The following PDK1 variants were observed in gnomAD, a reference collection of about 807,000 sequenced individuals.
PDK1 encodes [Pyruvate dehydrogenase (acetyl-transferring)] kinase isozyme 1, mitochondrial.
Under a neutral mutation model 54.2 loss-of-function variants are expected in PDK1, and 39 were observed. The observed-to-expected ratio is 0.72, with a 90% CI of 0.56 to 0.94. The LOEUF (loss-of-function observed/expected upper bound fraction) is 0.94, where lower values mean the gene tolerates loss of function less well. PDK1 is among the 40% of genes least tolerant of loss of function. The pLI is 0.00. For synonymous variants in PDK1, 221 were observed against 207.1 expected (o/e 1.07, Z -0.58); for missense variants, 552 against 566.0 (o/e 0.98, Z 0.25).
At chr2:172,655,950 G>A in the PDK1 span, among the ~76,000 whole-genome samples, 1 of 152,176 alleles carries the variant, frequency 6.6e-6, no homozygotes, top group African/African-American at 2.4e-5. Flanking sequence ...ATGAAGCTTG[G>A]TTTCTTCGAA....
In PDK1 at chr2:172,563,885, G is replaced by A. The variant is rs192260759; in HGVS notation, c.411-618G>A. ...TTTTATTTAGTTATTTAACCATGCA[G>A]TGTCTTCTAAGTGACAGAGATGGGA... On this transcript the variant is annotated intron_variant, in intron 3 of 10. Coordinates refer to ENST00000282077, the MANE Select transcript of PDK1 (RefSeq NM_002610.5). Among the ~76,000 whole-genome samples, 291 of 152,160 alleles carry A rather than the reference G, an allele frequency of 1.9e-3. 5 individuals carry two copies. The highest frequency in any genetic ancestry group is 1.8e-3 in the Non-Finnish European group (123 of 68,008).
At chr2:172,659,382 C>T in the PDK1 span, among the ~76,000 whole-genome samples, 1 of 152,232 alleles carries the variant, frequency 6.6e-6, no homozygotes, top group Non-Finnish European at 1.5e-5. Flanking sequence ...TAATTTACTA[C>T]TCTTTGTTCC....
At chr2:172,679,059 A>C in the PDK1 span, 5 of 152,364 alleles carry the variant, frequency 3.3e-5, no homozygotes, top group African/African-American at 1.2e-4. Flanking sequence ...TCAGAAATAT[A>C]GCCTGTAATG....
intron 2 of PDK1, among the ~76,000 whole-genome samples, chr2:172,559,454 G>A (rs1271107868): frequency 2.0e-5 from 3 of 152,206 alleles, no homozygotes; most frequent in African/African-American, 7.2e-5. Context: ...GCAATTTGTT[G>A]ATGACTGGGT....
the PDK1 span, among the ~76,000 whole-genome samples, chr2:172,653,191 C>G: frequency 3.3e-5 from 5 of 152,124 alleles, no homozygotes; most frequent in South Asian, 2.1e-4. Context: ...TCTGATCTTT[C>G]ACAAACCTGA....
At chr2:172,629,863 T>C in the PDK1 span, among the ~76,000 whole-genome samples, 1 of 152,186 alleles carries the variant, frequency 6.6e-6, no homozygotes, top group Non-Finnish European at 1.5e-5. Context: ...ATGCTCCCCG[T>C]CCTGTGAAGG....
chr2:172,689,167 G>A, the PDK1 span, among the ~76,000 whole-genome samples: 2 of 152,052 alleles, frequency 1.3e-5, no homozygotes, highest in East Asian at 1.9e-4. Context: ...ACAGAGTGCC[G>A]ATTGGTCCAT....
chr2:172,605,641 T>C lies in PDK1; in HGVS notation c.*9672T>C. 1 of 152,376 alleles carries C rather than the reference T, an allele frequency of 6.6e-6. No homozygotes were observed. The highest frequency in any genetic ancestry group is 1.5e-5 in the Non-Finnish European group (1 of 68,114). 9.4% of individuals were successfully genotyped at this position (152,376 alleles called of 1,614,324 possible). On this transcript the variant is annotated 3_prime_UTR_variant, in exon 11 of 11. Transcript: ENST00000282077. ...CCTCCTGCCTTGGCCTCCCAAAGTGTTGGGATAGCAGGCATGAACCACCGT... is the reference window on the plus strand; with the variant it reads ...CCTCCTGCCTTGGCCTCCCAAAGTGCTGGGATAGCAGGCATGAACCACCGT...
intron 1 of PDK1, chr2:172,558,391 C>G (rs1222447024): frequency 4.6e-6 from 1 of 217,316 alleles, no homozygotes; most frequent in Non-Finnish European, 8.9e-6. Context: ...AAGCCTTGCT[C>G]AGACATGCTC....
the PDK1 span, among the ~76,000 whole-genome samples, chr2:172,682,926 A>G: frequency 6.6e-6 from 1 of 152,174 alleles, no homozygotes; most frequent in African/African-American, 2.4e-5. Context: ...CTTTCATGAC[A>G]AAAAAGGAGA....
chr2:172,707,443 C>A, the PDK1 span, among the ~76,000 whole-genome samples: 1 of 152,116 alleles, frequency 6.6e-6, no homozygotes, highest in Admixed American at 6.5e-5. Context: ...TGCCAGGGTA[C>A]CCCTTTCCTA....
intron 8 of PDK1, among the ~76,000 whole-genome samples, chr2:172,580,947 G>A (rs953794349): frequency 6.6e-6 from 1 of 152,150 alleles, no homozygotes; most frequent in African/African-American, 2.4e-5. Flanking sequence ...GGTTGCCTAG[G>A]GATATGACCA....
the PDK1 span, among the ~76,000 whole-genome samples, chr2:172,689,678 G>A: frequency 6.6e-6 from 1 of 151,988 alleles, no homozygotes; most frequent in African/African-American, 2.4e-5. Context: ...CAGAACAGAG[G>A]CCTCAGAAAA....
the PDK1 span, among the ~76,000 whole-genome samples, chr2:172,644,740 C>T: frequency 1.6e-4 from 24 of 152,286 alleles, no homozygotes; most frequent in African/African-American, 5.3e-4. Flanking sequence ...GGACTGCTTT[C>T]GAATCATCTG....
At chr2:172,640,657 A>G in the PDK1 span, among the ~76,000 whole-genome samples, 7 of 152,356 alleles carry the variant, frequency 4.6e-5, no homozygotes, top group South Asian at 1.2e-3. Context: ...ACAGCCAACC[A>G]CAATGAGGCA....
At chr2:172,716,190 G>A in the PDK1 span, among the ~76,000 whole-genome samples, 2 of 152,070 alleles carry the variant, frequency 1.3e-5, no homozygotes, top group Non-Finnish European at 2.9e-5. Flanking sequence ...TAATGTGAAG[G>A]CAAAACTATG....
rs536677651 is a variant in PDK1 at position 172,598,097 on chromosome 2, G to A, written c.*2128G>A. On this transcript the variant is annotated 3_prime_UTR_variant, in exon 11 of 11. Coordinates refer to ENST00000282077, the MANE Select transcript of PDK1 (RefSeq NM_002610.5). ...GAAAAACAATAGAACATGTTAATGAGTAATTTATATTAGTTCGATGTATTA... is the reference window on the plus strand; with the variant it reads ...GAAAAACAATAGAACATGTTAATGAATAATTTATATTAGTTCGATGTATTA... 6.7e-4 allele frequency: 102 copies of A among 152,288 alleles called. No homozygotes were observed. Among genetic ancestry groups the A allele is most frequent in the African/African-American group, 2.4e-3 (100 of 41,568 alleles). 9.4% of individuals were successfully genotyped at this position (152,288 alleles called of 1,614,324 possible). A position where few individuals can be genotyped will look rare whatever the true frequency, so the allele number is the denominator to read the frequency against.
At chr2:172,679,026 C>T in the PDK1 span, 29 of 152,272 alleles carry the variant, frequency 1.9e-4, no homozygotes, top group East Asian at 5.6e-3. Context: ...ACAATGGTAC[C>T]TAAAGCAATA....
At chr2:172,621,665 ATG>A in the PDK1 span, among the ~76,000 whole-genome samples, 1 of 147,902 alleles carries the variant, frequency 6.8e-6, no homozygotes, top group East Asian at 2.0e-4. Context: ...TATCATATAT[ATG>A]ATATATGTTT....
Sources: gnomAD v4.1 joint callset for allele counts (sites outside exome capture counted in the v4.1 genomes callset) on GRCh38, gnomAD v4.1.1 for gene constraint, MANE v1.5 for transcripts, NCBI Gene and HGNC (gene_info 2026-07-23, HGNC 2026-07-21) for gene names.